SPOCK3: variants seen among roughly 807,000 people sequenced by gnomAD.
SPOCK3 encodes testican-3.
Under a neutral mutation model 56.6 loss-of-function variants are expected in SPOCK3, and 30 were observed. The observed-to-expected ratio is 0.53, with a 90% confidence interval of 0.40 to 0.72. The LOEUF is 0.72. Among genes scored for constraint, SPOCK3 ranks in the 30% least tolerant of loss-of-function variants. The pLI is 0.00. For missense variants in SPOCK3, 527 were observed against 530.0 expected (o/e 0.99, Z 0.06); for synonymous variants, 196 against 183.3 (o/e 1.07, Z -0.56).
intron 2 of SPOCK3, among the ~76,000 whole-genome samples, chr4:167,095,821 A>G (rs1339084815): frequency 6.6e-6 from 1 of 151,876 alleles, no homozygotes; most frequent in African/African-American, 2.4e-5. Flanking sequence ...ATAATTAATG[A>G]CCTTCTAAAA....
chr4:166,770,481 T>A (rs4859979), intron 7 of SPOCK3, among the ~76,000 whole-genome samples: 49,593 of 151,924 alleles, frequency 0.33, 8,276 homozygotes, highest in Admixed American at 0.41. Context: ...TATCAGGTCC[T>A]GAGATTAGAA....
At chr4:166,780,769 A>T (rs1280114336) in intron 7 of SPOCK3, among the ~76,000 whole-genome samples, 1 of 152,160 alleles carries the variant, frequency 6.6e-6, no homozygotes, top group Non-Finnish European at 1.5e-5. Context: ...CTTAACAAAA[A>T]TATGAAGGAA....
chr4:166,885,566 A>G (rs1734102054), intron 6 of SPOCK3, among the ~76,000 whole-genome samples: 1 of 152,088 alleles, frequency 6.6e-6, no homozygotes, highest in Admixed American at 6.6e-5. Flanking sequence ...CAAGGCCTTT[A>G]GGATTCCACG....
intron 4 of SPOCK3, among the ~76,000 whole-genome samples, chr4:166,922,062 G>C (rs1738552318): frequency 6.6e-6 from 1 of 152,234 alleles, no homozygotes; most frequent in Non-Finnish European, 1.5e-5. Flanking sequence ...AGTGGCATTA[G>C]TGCAAACCCT....
chr4:166,867,939 G>T (rs943905310), intron 6 of SPOCK3, among the ~76,000 whole-genome samples: 1 of 151,676 alleles, frequency 6.6e-6, no homozygotes, highest in Non-Finnish European at 1.5e-5. Context: ...TATGTATATA[G>T]TATATGTATA....
At chr4:167,075,185 T>A (rs1343875617) in intron 2 of SPOCK3, among the ~76,000 whole-genome samples, 3 of 151,744 alleles carry the variant, frequency 2.0e-5, no homozygotes, top group Non-Finnish European at 4.4e-5. Context: ...TTTTTTCCAA[T>A]GGATTATGGA....
chr4:166,953,328 G>GA (rs1742937964), intron 4 of SPOCK3, among the ~76,000 whole-genome samples: 1 of 152,174 alleles, frequency 6.6e-6, no homozygotes, highest in Non-Finnish European at 1.5e-5. Flanking sequence ...GAAAACCCAT[G>GA]AAAAAATGCT....
At chr4:167,019,534 GTTAC>G (rs1297140506) in intron 3 of SPOCK3, among the ~76,000 whole-genome samples, 1 of 151,402 alleles carries the variant, frequency 6.6e-6, no homozygotes, top group Non-Finnish European at 1.5e-5. Flanking sequence ...TATTTTACAT[GTTAC>G]TTGTTTTGTA....
intron 4 of SPOCK3, among the ~76,000 whole-genome samples, chr4:166,995,918 T>C (rs1748319308): frequency 6.6e-6 from 1 of 152,162 alleles, no homozygotes; most frequent in African/African-American, 2.4e-5. Flanking sequence ...ACTATATAAC[T>C]TATGCTTTGT....
intron 2 of SPOCK3, among the ~76,000 whole-genome samples, chr4:167,200,173 T>C (rs1733379684): frequency 6.6e-6 from 1 of 152,078 alleles, no homozygotes; most frequent in Non-Finnish European, 1.5e-5. Context: ...AAATTCAGGA[T>C]ACAAAAGATA....
chr4:166,958,148 C>T (rs1196153592), intron 4 of SPOCK3, among the ~76,000 whole-genome samples: 1 of 152,076 alleles, frequency 6.6e-6, no homozygotes, highest in African/African-American at 2.4e-5. Flanking sequence ...GGTTTAACAC[C>T]ATCCGCCTTG....
Position 166,763,737 on chromosome 4 carries a change from A to T in SPOCK3, c.710-9008T>A, listed in dbSNP as rs568708399. On this transcript the variant is annotated intron_variant, in intron 7 of 10. Coordinates refer to ENST00000357545, the MANE Select transcript of SPOCK3 (RefSeq NM_001040159.2). ...CAATATTATTTGAAGGTACATTGTG[A>T]TAAGTTAATGATATATACTATAAAC... Among the ~76,000 whole-genome samples the T allele has an allele frequency of 3.3e-5, 5 of 152,240 alleles. No homozygotes were observed. The South Asian group carries it at 1.0e-3, about 32-fold the overall frequency.
At chr4:166,770,910 T>A (rs963737592) in intron 7 of SPOCK3, among the ~76,000 whole-genome samples, 2 of 151,828 alleles carry the variant, frequency 1.3e-5, no homozygotes, top group African/African-American at 4.8e-5. Flanking sequence ...TAATTTTCAT[T>A]GTGGTGACAT....
At chr4:167,155,771 T>C (rs1764766391) in intron 2 of SPOCK3, among the ~76,000 whole-genome samples, 1 of 152,076 alleles carries the variant, frequency 6.6e-6, no homozygotes, top group South Asian at 2.1e-4. Flanking sequence ...GAAGACATAA[T>C]GCAGCTGTAT....
intron 6 of SPOCK3, among the ~76,000 whole-genome samples, chr4:166,880,581 C>T (rs1324581511): frequency 6.6e-6 from 1 of 152,172 alleles, no homozygotes; most frequent in Non-Finnish European, 1.5e-5. Flanking sequence ...ACCTTAAAAA[C>T]ACTGTGTCCA....
chr4:166,873,863 G>T (rs1373453622), intron 6 of SPOCK3, among the ~76,000 whole-genome samples: 1 of 152,168 alleles, frequency 6.6e-6, no homozygotes, highest in East Asian at 1.9e-4. Context: ...AAAGGAAAAA[G>T]AGGAAGGCAA....
At chr4:167,135,662 T>G (rs1224068397) in intron 2 of SPOCK3, among the ~76,000 whole-genome samples, 1 of 145,516 alleles carries the variant, frequency 6.9e-6, no homozygotes, top group African/African-American at 2.5e-5. Context: ...GATATATTAT[T>G]TATTGTCCTA....
chr4:166,906,311 C>T (rs1273248894), intron 5 of SPOCK3, among the ~76,000 whole-genome samples: 3 of 151,938 alleles, frequency 2.0e-5, no homozygotes, highest in Admixed American at 6.6e-5. Context: ...ATGCTATAAA[C>T]GATTCTGCAA....
At chr4:166,883,168 TAATC>T (rs1733844399) in intron 6 of SPOCK3, 1 of 152,182 alleles carries the variant, frequency 6.6e-6, no homozygotes, top group African/African-American at 2.4e-5. Context: ...CATTAATTCT[TAATC>T]AATAATACTT....
Sources: allele counts gnomAD v4.1 joint callset (sites outside exome capture counted in the v4.1 genomes callset), GRCh38; gene constraint gnomAD v4.1.1; transcripts MANE v1.5; gene names NCBI Gene and HGNC (gene_info 2026-07-23, HGNC 2026-07-21).